Variants in MEGF10 observed in about 807,000 individuals in gnomAD.
The protein encoded by MEGF10 is multiple EGF like domains 10, also known as multiple epidermal growth factor-like domains protein 10.
Under a neutral mutation model 147.5 loss-of-function variants are expected in MEGF10, and 86 were observed. That is an observed-to-expected ratio of 0.58 (90% CI 0.49 to 0.70). MEGF10 has a LOEUF of 0.70. Ranked by LOEUF, MEGF10 falls within the 30% of genes least tolerant of loss-of-function variation. The pLI is 0.00. For synonymous variants in MEGF10, 478 were observed against 525.5 expected, an observed-to-expected ratio of 0.91 and a Z score of 1.24; for missense variants, 1,329 against 1,487.3, an observed-to-expected ratio of 0.89 and a Z score of 1.75.
chr5:127,279,769 C>T, the MEGF10 span, among the ~76,000 whole-genome samples: 1 of 152,178 alleles, frequency 6.6e-6, no homozygotes, highest in African/African-American at 2.4e-5. Context: ...AAAGAGACTC[C>T]AGACATAGCA....
At chr5:127,306,598 G>A (rs1391752940) in intron 1 of MEGF10, among the ~76,000 whole-genome samples, 1 of 152,212 alleles carries the variant, frequency 6.6e-6, no homozygotes, top group East Asian at 1.9e-4. Context: ...CTGTGCCCCA[G>A]AAGAAAGAGC....
rs187766715 is a variant in MEGF10 at position 127,379,313 on chromosome 5, T to A, written c.412+9311T>A. 9.2e-4 allele frequency among the ~76,000 whole-genome samples: 140 copies of A among 152,246 alleles called. 1 individual carries two copies. Among genetic ancestry groups the A allele is most frequent in the East Asian group, 1.4e-3 (7 of 5,164 alleles). On this transcript the variant is annotated intron_variant, in intron 5 of 24. Transcript: ENST00000503335. Reference sequence around the variant, plus strand: ...TGAGACTAGCGTGATCTTGTAAAAATGTACTTTAGAGCATGCTGCTCTCCT... The same window carrying A: ...TGAGACTAGCGTGATCTTGTAAAAAAGTACTTTAGAGCATGCTGCTCTCCT...
At chr5:127,394,470 A>G (rs544949994) in intron 5 of MEGF10, among the ~76,000 whole-genome samples, 28 of 152,212 alleles carry the variant, frequency 1.8e-4, no homozygotes, top group African/African-American at 6.0e-4. Context: ...ATACGGAATG[A>G]TTTTTCTTAC....
intron 22 of MEGF10, among the ~76,000 whole-genome samples, chr5:127,450,784 A>T (rs1442243540): frequency 6.6e-6 from 1 of 152,064 alleles, no homozygotes; most frequent in Admixed American, 6.6e-5. Context: ...TTTGAGACAG[A>T]GTCTCGCTCT....
chr5:127,434,536 C>A, intron 14 of MEGF10, 151 bp from the exon 15 acceptor site: 1 of 841,206 alleles, frequency 1.2e-6, no homozygotes, highest in Non-Finnish European at 1.7e-6. Flanking sequence ...CTTTGTTGTT[C>A]TTGTTTTCTA....
intron 1 of MEGF10, among the ~76,000 whole-genome samples, chr5:127,310,323 T>C (rs1474837967): frequency 6.6e-6 from 1 of 152,074 alleles, no homozygotes; most frequent in Non-Finnish European, 1.5e-5. Flanking sequence ...ATTGATCCTT[T>C]ATCATGTATT....
At chr5:127,315,748 T>A (rs1339408690) in intron 1 of MEGF10, among the ~76,000 whole-genome samples, 1 of 152,188 alleles carries the variant, frequency 6.6e-6, no homozygotes, top group African/African-American at 2.4e-5. Context: ...CACTCCAGCC[T>A]GGGTGACAGA....
At chr5:127,303,463 T>C (rs1759870367) in intron 1 of MEGF10, among the ~76,000 whole-genome samples, 1 of 152,014 alleles carries the variant, frequency 6.6e-6, no homozygotes, top group Non-Finnish European at 1.5e-5. Flanking sequence ...AGGCTTATCA[T>C]TGATAATAAA....
At chr5:127,383,331 T>C (rs996348279) in intron 5 of MEGF10, among the ~76,000 whole-genome samples, 16 of 152,104 alleles carry the variant, frequency 1.1e-4, no homozygotes, top group African/African-American at 3.9e-4. Context: ...AGATTTATCA[T>C]TATTAATCAG....
the MEGF10 span, among the ~76,000 whole-genome samples, chr5:127,230,864 TGTG>T: frequency 8.1e-5 from 12 of 147,540 alleles, no homozygotes; most frequent in African/African-American, 3.1e-4. Context: ...CCAATAGAAC[TGTG>T]GTATTTTAGT....
the MEGF10 span, among the ~76,000 whole-genome samples, chr5:127,247,328 AG>A: frequency 7.6e-4 from 2 of 2,640 alleles, no homozygotes; most frequent in African/African-American, 1.0e-3. Flanking sequence ...GAGAAGAAGA[AG>A]AAGAAGAAGA....
intron 3 of MEGF10, among the ~76,000 whole-genome samples, chr5:127,339,501 G>A (rs138319218): frequency 2.5e-3 from 373 of 152,124 alleles, no homozygotes; most frequent in African/African-American, 8.6e-3. Context: ...GCATAACTGG[G>A]GGAGACACTG....
At position 127,455,617 on chromosome 5, in the gene MEGF10, C is replaced by T. The variant is rs113861962; in HGVS notation, c.3232+10C>T. 5.3e-5 allele frequency: 86 copies of T among 1,612,796 alleles called. 2 individuals are homozygous for T. The Middle Eastern group carries it at 9.9e-4, about 19-fold the overall frequency. On this transcript the variant is annotated intron_variant, in intron 24 of 24. Coordinates refer to ENST00000503335, the MANE Select transcript of MEGF10 (RefSeq NM_001256545.2). ...AATGTCTATGAAGTTGGTGAGTTCC[C>T]TTAACCATAGAAAGAACCGAGTGCT...
intron 16 of MEGF10, among the ~76,000 whole-genome samples, chr5:127,436,481 A>G (rs1262689552): frequency 1.3e-5 from 2 of 152,218 alleles, no homozygotes; most frequent in Non-Finnish European, 2.9e-5. Flanking sequence ...TTCTGGGGGC[A>G]TCACTTCAGA....
At chr5:127,436,890 A>G (rs911935479) in intron 16 of MEGF10, among the ~76,000 whole-genome samples, 2 of 152,214 alleles carry the variant, frequency 1.3e-5, no homozygotes, top group East Asian at 3.9e-4. Flanking sequence ...AGTCCTTCAC[A>G]GTGAAAACAC....
At chr5:127,284,326 G>A in the MEGF10 span, among the ~76,000 whole-genome samples, 1 of 152,196 alleles carries the variant, frequency 6.6e-6, no homozygotes, top group African/African-American at 2.4e-5. Flanking sequence ...CTGCATTTGT[G>A]TTGTGGGGAG....
intron 4 of MEGF10, among the ~76,000 whole-genome samples, chr5:127,347,506 G>A (rs1761933396): frequency 6.6e-6 from 1 of 151,966 alleles, no homozygotes; most frequent in Non-Finnish European, 1.5e-5. Flanking sequence ...TAATCCTAAT[G>A]CATGTATAGG....
Position 127,457,536 on chromosome 5 carries a change from G to C in MEGF10, c.*218G>C. The C allele has an allele frequency of 1.9e-6, 1 of 527,020 alleles. No individual in the cohort carries two copies. The highest frequency in any genetic ancestry group is 2.8e-5 in the South Asian group (1 of 35,872). The allele number at this position is 527,020 out of a possible 1,614,324, so 32.6% of individuals were successfully genotyped here. A position where few individuals can be genotyped will look rare whatever the true frequency, so the allele number is the denominator to read the frequency against. On this transcript the variant is annotated 3_prime_UTR_variant, in exon 25 of 25. Coordinates refer to ENST00000503335, the MANE Select transcript of MEGF10 (RefSeq NM_001256545.2). ...GTTAGAGATGTGATTTCCCATTGCT[G>C]TTAGTTTTAGAACTATACCCGTGAA...
chr5:127,328,176 C>T lies in MEGF10; in HGVS notation c.-18-3115C>T, dbSNP rs763299510. Among the ~76,000 whole-genome samples the T allele has an allele frequency of 5.3e-5, 8 of 152,164 alleles. No homozygotes were observed. In the South Asian group the frequency reaches 6.2e-4, roughly 12 times the overall value. On this transcript the variant is annotated intron_variant, in intron 1 of 24. Transcript: ENST00000503335. The stretch of plus-strand genomic sequence containing the variant: ...TTTGTGAGATGTCTTCTCTCCTCAT[C>T]GTCTATAACATCTGTGTTATTTTCT...
Sources: allele counts gnomAD v4.1 joint callset (sites outside exome capture counted in the v4.1 genomes callset), GRCh38; gene constraint gnomAD v4.1.1; transcripts MANE v1.5; gene names NCBI Gene and HGNC (gene_info 2026-07-23, HGNC 2026-07-21).